The following MACF1 variants were observed in gnomAD, a reference collection of about 807,000 sequenced individuals.
The protein encoded by MACF1 is microtubule-actin cross-linking factor 1.
A neutral mutation model predicts 854.8 loss-of-function variants in MACF1; 193 were observed. The observed-to-expected ratio is 0.23, with a 90% CI of 0.20 to 0.25. The LOEUF is 0.25. Ranked by LOEUF, MACF1 falls within the 10% of genes least tolerant of loss-of-function variation. MACF1 has a pLI of 1.00. For synonymous variants in MACF1, 3,185 were observed against 3,226.7 expected (o/e 0.99, Z 0.44); for missense variants, 7,722 against 8,929.1 (o/e 0.86, Z 5.45).
intron 2 of MACF1, among the ~76,000 whole-genome samples, chr1:39,147,261 CTTCCTTCTCTTTTCTTT>C (rs1473244414): frequency 2.7e-5 from 4 of 149,686 alleles, no homozygotes; most frequent in East Asian, 3.9e-4. Context: ...CTTTTCCTTC[CTTCCTTCTCTTTTCTTT>C]TTCCTTCTCT....
At chr1:39,353,353 T>C (rs373942253) in intron 44 of MACF1, 122 bp downstream of exon 44, 13 of 694,320 alleles carry the variant, frequency 1.9e-5, no homozygotes, top group South Asian at 1.5e-4. Context: ...CTTTGATGTC[T>C]CAGCAGCTTT....
intron 2 of MACF1, among the ~76,000 whole-genome samples, chr1:39,104,773 T>C (rs1393958738): frequency 6.6e-6 from 1 of 152,210 alleles, no homozygotes; most frequent in Non-Finnish European, 1.5e-5. Flanking sequence ...GAAAACCCTT[T>C]GTTCCCGGGC....
At chr1:39,477,088 T>TATATATAC (rs1557675101) in intron 97 of MACF1, among the ~76,000 whole-genome samples, 4 of 15,894 alleles carry the variant, frequency 2.5e-4, no homozygotes, top group African/African-American at 5.7e-4. Flanking sequence ...TATATATATA[T>TATATATAC]ATACACACAC....
Position 39,485,864 on chromosome 1 carries a change from C to T in MACF1, c.*70C>T. 2.1e-6 allele frequency: 3 copies of T among 1,427,868 alleles called. No individual in the cohort carries two copies. Among genetic ancestry groups the T allele is most frequent in the Non-Finnish European group, 2.8e-6 (3 of 1,075,468 alleles). 88.4% of individuals were successfully genotyped at this position (1,427,868 alleles called of 1,614,324 possible). On this transcript the variant is annotated 3_prime_UTR_variant, in exon 101 of 101. Transcript: ENST00000564288. ...TCCATACATTGGGTGTATATTTATTCTGAACGGGAGAAGTTATATTGTTAA... is the reference window on the plus strand; with the variant it reads ...TCCATACATTGGGTGTATATTTATTTTGAACGGGAGAAGTTATATTGTTAA...
intron 58 of MACF1, among the ~76,000 whole-genome samples, chr1:39,421,425 G>A (rs564712061): frequency 8.5e-5 from 13 of 152,244 alleles, no homozygotes; most frequent in Admixed American, 1.3e-4. Flanking sequence ...ATTTCCCAAC[G>A]TTACTGGCCC....
At position 39,334,009 on chromosome 1, in the gene MACF1, G is replaced by C; in HGVS notation, c.7421G>C (p.Ser2474Thr). Residue 2474 changes from serine to threonine, a missense_variant, in exon 37 of 101, where the codon AGT becomes ACT. By Grantham distance (58) the Ser-to-Thr change is moderately conservative. This residue lies in a region of MACF1 where 1,531 missense variants were observed against 1,601.6 expected (regional missense o/e 0.96). Transcript: ENST00000564288. ...METTGLIDPD[S>T]KAPLTVVQSI... is the part of the protein sequence containing the mutation. Reference sequence around the variant, plus strand: ...ACAACAGGACTTATAGACCCTGATAGTAAAGCACCTTTAACAGTTGTGCAG... The same window carrying C: ...ACAACAGGACTTATAGACCCTGATACTAAAGCACCTTTAACAGTTGTGCAG... 1.2e-6 allele frequency: 2 copies of C among 1,614,206 alleles called. No individual in the cohort carries two copies. The highest frequency in any genetic ancestry group is 3.3e-5 in the Admixed American group (2 of 60,024).
chr1:39,275,227 C>T (rs1417951644), intron 6 of MACF1, among the ~76,000 whole-genome samples: 2 of 151,962 alleles, frequency 1.3e-5, no homozygotes, highest in Non-Finnish European at 2.9e-5. Flanking sequence ...TACAGGCGCC[C>T]GCCGCCATGC....
chr1:39,165,531 G>A (rs1279223502), intron 2 of MACF1, among the ~76,000 whole-genome samples: 1 of 152,156 alleles, frequency 6.6e-6, no homozygotes, highest in Non-Finnish European at 1.5e-5. Context: ...AACTGGAGAT[G>A]GTTGTTATAC....
At chr1:39,483,100 AAAAAAAAAAAAAC>A (rs759670491) in intron 99 of MACF1, among the ~76,000 whole-genome samples, 2 of 148,476 alleles carry the variant, frequency 1.3e-5, no homozygotes, top group South Asian at 2.1e-4. Context: ...AAAAAAAAAA[AAAAAAAAAAAAAC>A]ACCCACACAT....
chr1:39,437,578 C>G, intron 70 of MACF1, 199 bp from the exon 71 acceptor site: 1 of 551,566 alleles, frequency 1.8e-6, no homozygotes, highest in Non-Finnish European at 3.4e-6. Flanking sequence ...TCCCAAAGTG[C>G]TGGGATTACA....
chr1:39,203,188 A>G (rs1644413110), upstream of MACF1, among the ~76,000 whole-genome samples: 2 of 152,192 alleles, frequency 1.3e-5, no homozygotes, highest in Non-Finnish European at 2.9e-5. Context: ...CATCTATATC[A>G]TAGTGTAATA....
At chr1:39,136,210 C>T (rs1422292996) in intron 2 of MACF1, among the ~76,000 whole-genome samples, 1 of 152,162 alleles carries the variant, frequency 6.6e-6, no homozygotes, top group East Asian at 1.9e-4. Context: ...CCAAGGAGTT[C>T]CAAGTATAAA....
chr1:39,261,959 T>G (rs184206143), intron 6 of MACF1, among the ~76,000 whole-genome samples: 1 of 152,324 alleles, frequency 6.6e-6, no homozygotes, highest in Non-Finnish European at 1.5e-5. Context: ...TCCTCACCAG[T>G]ATTTATTGTC....
At chr1:39,185,621 C>T (rs1431770967) in intron 2 of MACF1, among the ~76,000 whole-genome samples, 3 of 152,068 alleles carry the variant, frequency 2.0e-5, no homozygotes, top group Non-Finnish European at 4.4e-5. Flanking sequence ...TATTTCTTGA[C>T]ACAGTCTTTA....
At chr1:39,129,443 G>A (rs1642942244) in intron 2 of MACF1, among the ~76,000 whole-genome samples, 1 of 152,148 alleles carries the variant, frequency 6.6e-6, no homozygotes, top group Non-Finnish European at 1.5e-5. Context: ...CTTCTCTGGT[G>A]CAAACCAGTT....
In MACF1 at chr1:39,098,771, C is replaced by T. The variant is rs1262859144; in HGVS notation, c.220+14333C>T. Among the ~76,000 whole-genome samples the T allele has an allele frequency of 2.0e-5, 3 of 152,168 alleles. No homozygotes were observed. The East Asian group carries it at 5.8e-4, about 29-fold the overall frequency. ...CTGCTGGTGGCAGGGATCTTGTCTTCCTGGGTGGCTGGCACCCTCCAGGCC... is the reference window on the plus strand; with the variant it reads ...CTGCTGGTGGCAGGGATCTTGTCTTTCTGGGTGGCTGGCACCCTCCAGGCC... On this transcript the variant is annotated intron_variant, in intron 2 of 93. Transcript: ENST00000361689.
intron 97 of MACF1, 90 bp downstream of exon 97, chr1:39,469,705 G>T (rs2124133851): frequency 9.9e-7 from 1 of 1,012,720 alleles, no homozygotes; most frequent in East Asian, 2.6e-5. Context: ...TTGGTTCTGT[G>T]TATCTGCTGC....
chr1:39,261,572 T>C (rs1645163969), intron 6 of MACF1, among the ~76,000 whole-genome samples: 1 of 152,226 alleles, frequency 6.6e-6, no homozygotes, highest in African/African-American at 2.4e-5. Flanking sequence ...TGGTCTTTTG[T>C]ATCTGGCTTT....
intron 2 of MACF1, among the ~76,000 whole-genome samples, chr1:39,143,818 A>G (rs1643401258): frequency 6.6e-6 from 1 of 152,082 alleles, no homozygotes; most frequent in Non-Finnish European, 1.5e-5. Context: ...TCTGTCGCCC[A>G]GGCTGGAGTG....
Sources: gnomAD v4.1 joint callset for allele counts (sites outside exome capture counted in the v4.1 genomes callset) on GRCh38, gnomAD v4.1.1 for gene constraint, gnomAD v4.1.1 regional missense constraint, MANE v1.5 for transcripts, NCBI Gene and HGNC (gene_info 2026-07-23, HGNC 2026-07-21) for gene names.